The following GLUL variants were observed in gnomAD, a reference collection of about 807,000 sequenced individuals.
GLUL encodes glutamate-ammonia ligase.
A neutral mutation model predicts 36.9 loss-of-function variants in GLUL; 8 were observed. That is an observed-to-expected ratio of 0.22 (90% confidence interval 0.13 to 0.39). The LOEUF is 0.39. Ranked by LOEUF, GLUL falls within the 10% of genes least tolerant of loss-of-function variation. GLUL has a pLI of 1.00. For missense variants in GLUL, 315 were observed against 501.8 expected (o/e 0.63, Z 3.56); for synonymous variants, 182 against 172.8 (o/e 1.05, Z -0.42).
rs953438324 is a variant in GLUL, at chr1:182,380,141, C to A, written c.*4264G>T. On this transcript the variant is annotated 3_prime_UTR_variant, in exon 7 of 7. Coordinates refer to ENST00000331872, the MANE Select transcript of GLUL (RefSeq NM_001033044.4). ...GGGATTATAGGCATGAGCCACTGTG[C>A]CTGGCAGTTATAACTCTTAAAGCAA... Among the ~76,000 whole-genome samples the A allele has an allele frequency of 5.3e-5, 8 of 152,202 alleles. No homozygotes were observed. The highest frequency in any genetic ancestry group is 8.8e-5 in the Non-Finnish European group (6 of 68,040).
Position 182,381,979 on chromosome 1 carries a change from G to A in GLUL, c.*2426C>T, listed in dbSNP as rs941496181. On this transcript the variant is annotated 3_prime_UTR_variant, in exon 7 of 7. Transcript: ENST00000331872. ...TACTTTGAATATTAAATCATATTAC[G>A]AGCCAACTTTCTTAAGAAAAACCAC... 1 of 152,082 alleles carries A rather than the reference G, an allele frequency of 6.6e-6. No homozygotes were observed. The highest frequency in any genetic ancestry group is 2.4e-5 in the African/African-American group (1 of 41,406). The allele number at this position is 152,082 out of a possible 1,614,324, so 9.4% of individuals were successfully genotyped here.
rs1571403634 is a variant in GLUL at position 182,384,195 on chromosome 1, A to G, written c.*210T>C. 15 of 558,336 alleles carry G rather than the reference A, an allele frequency of 2.7e-5. No homozygotes were observed. The East Asian group carries it at 4.5e-4, about 17-fold the overall frequency. The allele number at this position is 558,336 out of a possible 1,614,324, so 34.6% of individuals were successfully genotyped here. ...GCACTAAAAAGCTTCAGTGATAGGG[A>G]AAAAAAGGAGGGTAGGTGTGAAGAA... On this transcript the variant is annotated 3_prime_UTR_variant, in exon 7 of 7. Coordinates refer to ENST00000331872, the MANE Select transcript of GLUL (RefSeq NM_001033044.4).
Position 182,382,355 on chromosome 1 carries a change from AC to A in GLUL, c.*2049del, listed in dbSNP as rs1649966971. On this transcript the variant is annotated 3_prime_UTR_variant, in exon 7 of 7. Transcript: ENST00000331872. Reference sequence around the variant, plus strand: ...GCAAGGGGCAAGGGCACAGGTGACAACACAGAGCTTTTGAGAATCACAATCG... The same window carrying A: ...GCAAGGGGCAAGGGCACAGGTGACAAACAGAGCTTTTGAGAATCACAATCG... 2 of 152,224 alleles carry A rather than the reference AC, an allele frequency of 1.3e-5. No individual in the cohort carries two copies. Among genetic ancestry groups the A allele is most frequent in the South Asian group, 4.1e-4 (2 of 4,828 alleles). The allele number at this position is 152,224 out of a possible 1,614,324, so 9.4% of individuals were successfully genotyped here.
In GLUL at chr1:182,379,176, T is replaced by A. The variant is rs111773080; in HGVS notation, c.*5229A>T. Reference sequence around the variant, plus strand: ...CAGCTCAGATTGTTTTCAGTAGAAATGTACGCAAAGTCTTTGGAGTTAAAT... The same window carrying A: ...CAGCTCAGATTGTTTTCAGTAGAAAAGTACGCAAAGTCTTTGGAGTTAAAT... On this transcript the variant is annotated 3_prime_UTR_variant, in exon 7 of 7. Coordinates refer to ENST00000331872, the MANE Select transcript of GLUL (RefSeq NM_001033044.4). Among the ~76,000 whole-genome samples the A allele has an allele frequency of 0.01, 1,590 of 152,290 alleles. 16 individuals carry two copies. Among genetic ancestry groups the A allele is most frequent in the Middle Eastern group, 0.031 (9 of 294 alleles).
chr1:182,384,850 T>C lies in GLUL; in HGVS notation c.804-127A>G. ...AGGGCAGTGGCTGCATCTTCTTACC[T>C]GTGTGTCTCAGTGGTGAGAACAGTG... On this transcript the variant is annotated intron_variant, in intron 6 of 6. Coordinates refer to ENST00000331872, the MANE Select transcript of GLUL (RefSeq NM_001033044.4). 5 of 748,234 alleles carry C rather than the reference T, an allele frequency of 6.7e-6. No homozygotes were observed. The South Asian group carries it at 7.2e-5, about 11-fold the overall frequency. 46.3% of individuals were successfully genotyped at this position (748,234 alleles called of 1,614,324 possible).
At chr1:182,391,256 G>A in intron 1 of GLUL, 1 of 398,906 alleles carries the variant, frequency 2.5e-6, no homozygotes, top group Non-Finnish European at 4.4e-6. Flanking sequence ...GAGGAAGGCA[G>A]CCAGGCGCCC....
chr1:182,386,071 T>C (rs562589495), intron 4 of GLUL, 184 bp from the exon 5 acceptor site: 2 of 866,966 alleles, frequency 2.3e-6, no homozygotes, highest in African/African-American at 1.7e-5. Context: ...GGGCCAAACG[T>C]TCCCCCTAAA....
chr1:182,383,800 T>G lies in GLUL; in HGVS notation c.*605A>C, dbSNP rs1254422784. On this transcript the variant is annotated 3_prime_UTR_variant, in exon 7 of 7. Coordinates refer to ENST00000331872, the MANE Select transcript of GLUL (RefSeq NM_001033044.4). ...CAAGGACCAAGCAGTAAGAACCTTT[T>G]CTTCTTTCAAGGTAGGGATATCCAT... 2 of 155,136 alleles carry G rather than the reference T, an allele frequency of 1.3e-5. No homozygotes were observed. The highest frequency in any genetic ancestry group is 3.8e-4 in the East Asian group (2 of 5,270). The allele number at this position is 155,136 out of a possible 1,614,324, so 9.6% of individuals were successfully genotyped here. A position where few individuals can be genotyped will look rare whatever the true frequency, so the allele number is the denominator to read the frequency against.
Position 182,384,369 on chromosome 1 carries a change from A to G in GLUL, c.*36T>C, listed in dbSNP as rs1163868290. 2.9e-6 allele frequency: 4 copies of G among 1,402,764 alleles called. No individual in the cohort carries two copies. The South Asian group carries it at 3.5e-5, about 12-fold the overall frequency. 86.9% of individuals were successfully genotyped at this position (1,402,764 alleles called of 1,614,324 possible). A position where few individuals can be genotyped will look rare whatever the true frequency, so the allele number is the denominator to read the frequency against. On this transcript the variant is annotated 3_prime_UTR_variant, in exon 7 of 7. Coordinates refer to ENST00000331872, the MANE Select transcript of GLUL (RefSeq NM_001033044.4). ...GGGAAGAGTTGGAGTGGGATGAAGAACTAGGAGGGGCTCAACAGCTGGAGG... is the reference window on the plus strand; with the variant it reads ...GGGAAGAGTTGGAGTGGGATGAAGAGCTAGGAGGGGCTCAACAGCTGGAGG...
At chr1:182,391,022 G>C in intron 1 of GLUL, 3 of 397,192 alleles carry the variant, frequency 7.6e-6, no homozygotes, top group Non-Finnish European at 1.3e-5. Context: ...GGGAGGGTGG[G>C]GGCGCAGGCC....
chr1:182,384,907 GAA>G, intron 6 of GLUL, 184 bp from the exon 7 acceptor site: 3 of 633,826 alleles, frequency 4.7e-6, no homozygotes, highest in African/African-American at 1.8e-5. Context: ...ACTGTTTGTT[GAA>G]AAGACTAATC....
rs923646172 is a variant in GLUL, at chr1:182,380,906, C to T, written c.*3499G>A. 6.6e-6 allele frequency among the ~76,000 whole-genome samples: 1 copy of T among 152,240 alleles called. No homozygotes were observed. Among genetic ancestry groups the T allele is most frequent in the Non-Finnish European group, 1.5e-5 (1 of 68,040 alleles). Reference sequence around the variant, plus strand: ...GGCCAAGAATAGTTCAGGAACTTCTCATCCACTTGTCTACCCTTCTACACA... The same window carrying T: ...GGCCAAGAATAGTTCAGGAACTTCTTATCCACTTGTCTACCCTTCTACACA... On this transcript the variant is annotated 3_prime_UTR_variant, in exon 7 of 7. Transcript: ENST00000331872.
chr1:182,390,414 TG>T (rs1455921933), intron 1 of GLUL: 1 of 397,904 alleles, frequency 2.5e-6, no homozygotes, highest in Admixed American at 4.4e-5. Flanking sequence ...CAAGTTTACG[TG>T]GGGGAAATGG....
chr1:182,378,642 T>C lies in GLUL; in HGVS notation c.*5763A>G, dbSNP rs1032408840. 1.3e-5 allele frequency among the ~76,000 whole-genome samples: 2 copies of C among 152,216 alleles called. No individual in the cohort carries two copies. The highest frequency in any genetic ancestry group is 4.8e-5 in the African/African-American group (2 of 41,466). On this transcript the variant is annotated 3_prime_UTR_variant, in exon 7 of 7. Transcript: ENST00000331872. ...TTCCTGTCTCCTTTACAAAATGCTG[T>C]ATCTTGGGCAAAAGACATATGTATT... is the stretch of plus-strand genomic sequence containing the variant.
intron 6 of GLUL, chr1:182,384,927 A>G (rs1384840235): frequency 1.3e-5 from 8 of 609,400 alleles, no homozygotes; most frequent in Non-Finnish European, 2.3e-5. Context: ...ATCATTTGAA[A>G]CTTTCTCCCC....
intron 1 of GLUL, chr1:182,391,300 G>C: frequency 5.0e-6 from 2 of 398,560 alleles, no homozygotes. Flanking sequence ...CGCTCCACAG[G>C]GGACCGCACC....
intron 6 of GLUL, chr1:182,384,978 T>TA: frequency 2.0e-6 from 1 of 494,526 alleles, no homozygotes; most frequent in Non-Finnish European, 3.6e-6. Context: ...GTATTGTTAC[T>TA]AATTTAGTTC....
At position 182,378,273 on chromosome 1, in the gene GLUL, A is replaced by G. The variant is rs773323759; in HGVS notation, c.*6132T>C. On this transcript the variant is annotated 3_prime_UTR_variant, in exon 7 of 7. Coordinates refer to ENST00000331872, the MANE Select transcript of GLUL (RefSeq NM_001033044.4). Reference sequence around the variant, plus strand: ...AGGTAACTCAATCTGAAATCCATCAAAAAGAGGACAACTTGCTCAGGTACA... The same window carrying G: ...AGGTAACTCAATCTGAAATCCATCAGAAAGAGGACAACTTGCTCAGGTACA... 2.6e-5 allele frequency among the ~76,000 whole-genome samples: 4 copies of G among 152,182 alleles called. No individual in the cohort carries two copies. The highest frequency in any genetic ancestry group is 5.9e-5 in the Non-Finnish European group (4 of 68,034).
In GLUL at chr1:182,379,214, CTTAT is replaced by C. The variant is rs145237977; in HGVS notation, c.*5187_*5190del. ...TTTGGAGTTAAATGATGAACTGCCA[CTTAT>C]TTATTTATTTATTTGTTTATTTTTT... On this transcript the variant is annotated 3_prime_UTR_variant, in exon 7 of 7. Coordinates refer to ENST00000331872, the MANE Select transcript of GLUL (RefSeq NM_001033044.4). Among the ~76,000 whole-genome samples the C allele has an allele frequency of 0.032, 4,805 of 151,982 alleles. 116 individuals are homozygous for C. Among genetic ancestry groups the C allele is most frequent in the African/African-American group, 0.067 (2,789 of 41,464 alleles).
Sources: allele counts gnomAD v4.1 joint callset (sites outside exome capture counted in the v4.1 genomes callset), GRCh38; gene constraint gnomAD v4.1.1; transcripts MANE v1.5; gene names NCBI Gene and HGNC (gene_info 2026-07-23, HGNC 2026-07-21).